The following PCDHA7 variants were observed in gnomAD, a reference collection of about 807,000 sequenced individuals.
PCDHA7 encodes the protein protocadherin alpha-7.
Under a neutral mutation model 57.2 loss-of-function variants are expected in PCDHA7, and 37 were observed. That is an observed-to-expected ratio of 0.65 (90% CI 0.50 to 0.85). The LOEUF is 0.85. Ranked by LOEUF, PCDHA7 falls within the 40% of genes least tolerant of loss-of-function variation. PCDHA7 has a pLI of 0.00. For synonymous variants in PCDHA7, 553 were observed against 558.8 expected, an observed-to-expected ratio of 0.99 and a Z score of 0.15; for missense variants, 1,188 against 1,241.8, an observed-to-expected ratio of 0.96 and a Z score of 0.65.
rs575141569 is a variant in PCDHA7, at chr5:140,917,876, CT to C, written c.2356-61063del. Among the ~76,000 whole-genome samples, 1,293 of 147,130 alleles carry C rather than the reference CT, an allele frequency of 8.8e-3. 5 individuals carry two copies. Among genetic ancestry groups the C allele is most frequent in the African/African-American group, 0.02 (816 of 40,244 alleles). ...TAGGATTGCTTTGACTATTTGGGCT[CT>C]TTTTTTTTTCCATATGAATGTTAGG... On this transcript the variant is annotated intron_variant, in intron 1 of 3. Coordinates refer to ENST00000525929, the MANE Select transcript of PCDHA7 (RefSeq NM_018910.3).
chr5:140,837,978 C>T (rs1554136732), intron 1 of PCDHA7, among the ~76,000 whole-genome samples: 1 of 151,764 alleles, frequency 6.6e-6, no homozygotes, highest in African/African-American at 2.4e-5. Context: ...CACACCCAGC[C>T]TGCCTTTCAT....
rs782651384 is a variant in PCDHA7 at position 140,835,888 on chromosome 5, G to A, written c.1505G>A (p.Arg502His). Residue 502 changes from arginine (R) to histidine (H), a missense_variant, in exon 1 of 4, where the codon CGC (arginine) becomes CAC (histidine). Arg to His is a conservative substitution (Grantham distance 29). Coordinates refer to ENST00000525929, the MANE Select transcript of PCDHA7 (RefSeq NM_018910.3). ...CTGGTGGAGCTGCGGGTGGGCGAGC[G>A]CGCGCTGTCGAGCTACGTGTCAGTG... is the stretch of plus-strand genomic sequence containing the variant. ...YSLVELRVGE[R>H]ALSSYVSVHA... 1.2e-6 allele frequency: 2 copies of A among 1,611,826 alleles called. 1 individual carries two copies. Among genetic ancestry groups the A allele is most frequent in the Non-Finnish European group, 1.7e-6 (2 of 1,179,634 alleles).
At position 141,009,806 on chromosome 5, in the gene PCDHA7, A is replaced by G. The variant is rs781853535; in HGVS notation, c.2683A>G (p.Ile895Val). 18 of 1,614,018 alleles carry G rather than the reference A, an allele frequency of 1.1e-5. No individual in the cohort carries two copies. Among genetic ancestry groups the G allele is most frequent in the Non-Finnish European group, 1.5e-5 (18 of 1,180,028 alleles). ...SIRQEPTNSQ[I>V]DKSDFITFGK... is the part of the protein sequence containing the mutation. ...CCGGCAGGAGCCTACTAACAGCCAA[A>G]TTGACAAAAGTGACTTCATAACCTT... The change falls in exon 4 of 4, where the codon ATT becomes GTT. Residue 895 changes from isoleucine (I) to valine (V), a missense_variant. Physicochemically the swap from Ile to Val is conservative, Grantham distance 29 (BLOSUM62 3). Coordinates refer to ENST00000525929, the MANE Select transcript of PCDHA7 (RefSeq NM_018910.3).
intron 1 of PCDHA7, among the ~76,000 whole-genome samples, chr5:140,953,382 G>A (rs1554220887): frequency 6.6e-6 from 1 of 152,142 alleles, no homozygotes; most frequent in Admixed American, 6.6e-5. Context: ...ACCCCTCTCA[G>A]TTGTGGATTA....
rs111298048 is a variant in PCDHA7 at position 140,841,325 on chromosome 5, G to A, written c.2355+4587G>A. ...TGATAGGAAACGACTATTTAACATG[G>A]ATTATCACTGGCGAGGAGAGCTGGG... On this transcript the variant is annotated intron_variant, in intron 1 of 3. Coordinates refer to ENST00000525929, the MANE Select transcript of PCDHA7 (RefSeq NM_018910.3). 9,405 of 1,608,142 alleles carry A rather than the reference G, an allele frequency of 5.8e-3. 135 individuals are homozygous for A. Among genetic ancestry groups the A allele is most frequent in the Non-Finnish European group, 7.0e-3 (8,183 of 1,176,604 alleles).
In PCDHA7 at chr5:140,842,738, C is replaced by T. The variant is rs1470514973; in HGVS notation, c.2355+6000C>T. The T allele has an allele frequency of 6.3e-7, 1 of 1,594,924 alleles. No homozygotes were observed. The highest frequency in any genetic ancestry group is 8.6e-7 in the Non-Finnish European group (1 of 1,165,426). ...GAAGGAGAACAACCCGCCGGGCTGCCACATCTTCACGGTGTCTGCGCGAGA... is the reference window on the plus strand; with the variant it reads ...GAAGGAGAACAACCCGCCGGGCTGCTACATCTTCACGGTGTCTGCGCGAGA... On this transcript the variant is annotated intron_variant, in intron 1 of 3. Coordinates refer to ENST00000525929, the MANE Select transcript of PCDHA7 (RefSeq NM_018910.3).
intron 3 of PCDHA7, among the ~76,000 whole-genome samples, chr5:141,005,795 C>G (rs2098239997): frequency 8.0e-6 from 1 of 124,778 alleles, no homozygotes; most frequent in Admixed American, 8.1e-5. Context: ...GAGGCAAAAA[C>G]AACTCCAAGG....
At chr5:140,948,784 T>C (rs1486580473) in intron 1 of PCDHA7, among the ~76,000 whole-genome samples, 6 of 151,646 alleles carry the variant, frequency 4.0e-5, no homozygotes, top group African/African-American at 1.4e-4. Flanking sequence ...CTTTTGGCTT[T>C]GTTGATATAT....
intron 1 of PCDHA7, chr5:140,851,257 T>A: frequency 9.2e-7 from 1 of 1,087,842 alleles, no homozygotes; most frequent in East Asian, 4.1e-5. Context: ...GCATAGTATT[T>A]TAGTCTACTT....
At chr5:140,896,827 T>G (rs1193967071) in intron 1 of PCDHA7, among the ~76,000 whole-genome samples, 1 of 152,214 alleles carries the variant, frequency 6.6e-6, no homozygotes, top group African/African-American at 2.4e-5. Flanking sequence ...TGTTCATAGT[T>G]GTTTTTATTT....
intron 3 of PCDHA7, among the ~76,000 whole-genome samples, chr5:140,989,486 A>G (rs1563557204): frequency 6.6e-6 from 1 of 152,190 alleles, no homozygotes; most frequent in African/African-American, 2.4e-5. Context: ...AGGTGCTTGA[A>G]CAAGAAAGAC....
In PCDHA7 at chr5:140,857,614, G is replaced by A. The variant is rs1554150351; in HGVS notation, c.2355+20876G>A. ...GCAAGGTGTACGCGCTGCAGCCGCT[G>A]GACCACGAGGAGCTGGAGCTGCTAC... On this transcript the variant is annotated intron_variant, in intron 1 of 3. Transcript: ENST00000525929. 4 of 1,596,618 alleles carry A rather than the reference G, an allele frequency of 2.5e-6. 1 individual carries two copies. Among genetic ancestry groups the A allele is most frequent in the South Asian group, 1.1e-5 (1 of 90,494 alleles).
intron 1 of PCDHA7, chr5:140,883,816 G>A (rs1217152310): frequency 1.9e-6 from 3 of 1,612,522 alleles, no homozygotes; most frequent in Non-Finnish European, 2.5e-6. Context: ...AGAGCGGCAA[G>A]GTGTACGCGC....
chr5:140,885,229 C>A (rs1410460890), intron 1 of PCDHA7, among the ~76,000 whole-genome samples: 2 of 151,932 alleles, frequency 1.3e-5, no homozygotes, highest in African/African-American at 4.8e-5. Context: ...TGTGATTCTG[C>A]TTTCAATTTT....
chr5:140,855,640 A>G (rs555429613), intron 1 of PCDHA7, among the ~76,000 whole-genome samples: 1 of 150,004 alleles, frequency 6.7e-6, no homozygotes, highest in East Asian at 1.9e-4. Context: ...GCTATTGATA[A>G]TCATGTGGTT....
rs527281567 is a variant in PCDHA7 at position 140,992,060 on chromosome 5, A to T, written c.2503+9497A>T. Among the ~76,000 whole-genome samples the T allele has an allele frequency of 3.3e-3, 484 of 147,642 alleles. 5 individuals are homozygous for T. Among genetic ancestry groups the T allele is most frequent in the South Asian group, 0.015 (69 of 4,700 alleles). On this transcript the variant is annotated intron_variant, in intron 3 of 3. Transcript: ENST00000525929. The stretch of plus-strand genomic sequence containing the variant: ...GTGTGTGTGTGTGTGTGTGTAAGTT[A>T]ATTTCAGTAGAGAATGAGCTAGAGT...
Position 140,835,676 on chromosome 5 carries a change from C to T in PCDHA7, c.1293C>T (p.Gly431=), listed in dbSNP as rs1554135187. 6.2e-7 allele frequency: 1 copy of T among 1,613,896 alleles called. No individual in the cohort carries two copies. Residue 431 remains glycine (G), a synonymous_variant, in exon 1 of 4, where the codon GGC becomes GGT. Transcript: ENST00000525929. The part of the protein sequence containing the change: ...YELVVTARDG[G]SPSLWATASV... ...TGGTGGTTACCGCGCGGGACGGGGG[C>T]TCGCCTTCTCTGTGGGCCACTGCTA... is the stretch of plus-strand genomic sequence containing the variant.
Position 141,010,316 on chromosome 5 carries a change from G to T in PCDHA7, c.*379G>T. ...GGGCAGGCTGAAAAGTTTTGAGATT[G>T]AGCAGCTTGGGAGTTTGTGGCCACT... On this transcript the variant is annotated 3_prime_UTR_variant, in exon 4 of 4. Coordinates refer to ENST00000525929, the MANE Select transcript of PCDHA7 (RefSeq NM_018910.3). The T allele has an allele frequency of 1.3e-6, 2 of 1,546,404 alleles. No individual in the cohort carries two copies. The highest frequency in any genetic ancestry group is 2.4e-5 in the South Asian group (2 of 83,328).
At chr5:141,005,527 C>A (rs1448254191) in intron 3 of PCDHA7, among the ~76,000 whole-genome samples, 1 of 151,230 alleles carries the variant, frequency 6.6e-6, no homozygotes, top group Non-Finnish European at 1.5e-5. Context: ...CACGGTGAAA[C>A]CCCGTCTCTA....
Sources: allele counts gnomAD v4.1 joint callset (sites outside exome capture counted in the v4.1 genomes callset), GRCh38; gene constraint gnomAD v4.1.1; transcripts MANE v1.5; gene names NCBI Gene and HGNC (gene_info 2026-07-23, HGNC 2026-07-21).